The following PLXDC2 variants were observed in gnomAD, a reference collection of about 807,000 sequenced individuals.
The protein encoded by PLXDC2 is plexin domain containing 2.
A neutral mutation model predicts 68.9 loss-of-function variants in PLXDC2; 40 were observed. The observed-to-expected ratio is 0.58, with a 90% CI of 0.45 to 0.76. The LOEUF is 0.76. Among genes scored for constraint, PLXDC2 ranks in the 30% least tolerant of loss-of-function variants. The pLI, the probability that PLXDC2 is intolerant of heterozygous loss-of-function variation, is 0.00. For synonymous variants in PLXDC2, 243 were observed against 234.2 expected, an observed-to-expected ratio of 1.04 and a Z score of -0.34; for missense variants, 644 against 661.9, an observed-to-expected ratio of 0.97 and a Z score of 0.30.
intron 12 of PLXDC2, among the ~76,000 whole-genome samples, chr10:20,220,308 A>T (rs142798370): frequency 1.6e-3 from 245 of 152,282 alleles, no homozygotes; most frequent in African/African-American, 5.8e-3. Flanking sequence ...TTAGTAGCAT[A>T]TGGACATAAG....
At chr10:19,830,010 C>A (rs545049422) in intron 1 of PLXDC2, among the ~76,000 whole-genome samples, 1 of 152,126 alleles carries the variant, frequency 6.6e-6, no homozygotes. Flanking sequence ...TAATTTGTAA[C>A]CCACAACTTG....
At chr10:19,856,884 C>T (rs1254789889) in intron 1 of PLXDC2, among the ~76,000 whole-genome samples, 1 of 152,132 alleles carries the variant, frequency 6.6e-6, no homozygotes, top group African/African-American at 2.4e-5. Flanking sequence ...ATAAAGAAAT[C>T]AATCATTGCT....
intron 4 of PLXDC2, among the ~76,000 whole-genome samples, chr10:20,127,133 G>A (rs1349194739): frequency 6.6e-6 from 1 of 151,990 alleles, no homozygotes; most frequent in Non-Finnish European, 1.5e-5. Context: ...TGGGAATGTT[G>A]GTACAATGCA....
At chr10:20,250,425 A>G (rs566799598) in intron 13 of PLXDC2, among the ~76,000 whole-genome samples, 1 of 152,274 alleles carries the variant, frequency 6.6e-6, no homozygotes, top group Admixed American at 6.5e-5. Context: ...GTAACAGCCA[A>G]CATTTATCAA....
chr10:20,195,571 A>C (rs757855761), intron 9 of PLXDC2, among the ~76,000 whole-genome samples: 14 of 152,076 alleles, frequency 9.2e-5, no homozygotes, highest in African/African-American at 1.7e-4. Flanking sequence ...AAACAGAGTA[A>C]AGTTTATGCA....
At chr10:20,148,261 GTTAGT>G (rs1485899501) in intron 6 of PLXDC2, among the ~76,000 whole-genome samples, 6 of 96,438 alleles carry the variant, frequency 6.2e-5, no homozygotes, top group Admixed American at 5.7e-4. Flanking sequence ...ATTTTCTTTA[GTTAGT>G]TTTTTTTTTT....
intron 8 of PLXDC2, 41 bp downstream of exon 8, chr10:20,177,135 A>G (rs1453679682): frequency 1.4e-6 from 2 of 1,475,510 alleles, no homozygotes; most frequent in Non-Finnish European, 9.5e-7. Context: ...CATGATTTCT[A>G]AATTTGATGA....
At chr10:19,940,162 G>A (rs979553942) in intron 1 of PLXDC2, among the ~76,000 whole-genome samples, 20 of 150,018 alleles carry the variant, frequency 1.3e-4, no homozygotes, top group Admixed American at 1.3e-3. Context: ...GAGAAATAAC[G>A]TGATTTAATG....
At chr10:20,277,130 A>T (rs1434912086) in intron 13 of PLXDC2, among the ~76,000 whole-genome samples, 1 of 142,496 alleles carries the variant, frequency 7.0e-6, no homozygotes, top group Non-Finnish European at 1.5e-5. Flanking sequence ...AATCGCTTGA[A>T]CCCAGGAGGT....
chr10:19,844,742 C>T (rs74119755), intron 1 of PLXDC2, among the ~76,000 whole-genome samples: 5,262 of 151,962 alleles, frequency 0.035, 205 homozygotes, highest in East Asian at 0.23. Flanking sequence ...ACTACAGGCG[C>T]GCATCACTAC....
At chr10:20,212,536 T>C (rs960745072) in intron 10 of PLXDC2, among the ~76,000 whole-genome samples, 1 of 152,122 alleles carries the variant, frequency 6.6e-6, no homozygotes, top group Non-Finnish European at 1.5e-5. Flanking sequence ...TCTCCCTTCA[T>C]TAAGTTTTGG....
At chr10:20,055,505 A>C (rs1835982138) in intron 3 of PLXDC2, among the ~76,000 whole-genome samples, 1 of 152,134 alleles carries the variant, frequency 6.6e-6, no homozygotes, top group Non-Finnish European at 1.5e-5. Context: ...CTATTAGGCT[A>C]TTATCTAGAC....
intron 4 of PLXDC2, among the ~76,000 whole-genome samples, chr10:20,136,903 A>G (rs1421788673): frequency 6.6e-6 from 1 of 152,200 alleles, no homozygotes; most frequent in Non-Finnish European, 1.5e-5. Flanking sequence ...ATCCTTTATT[A>G]CTGTGACACT....
intron 2 of PLXDC2, among the ~76,000 whole-genome samples, chr10:20,041,145 C>T (rs901887541): frequency 5.9e-5 from 9 of 152,044 alleles, no homozygotes; most frequent in Non-Finnish European, 8.8e-5. Flanking sequence ...CTAATAGTTA[C>T]GGAATTTTTA....
chr10:19,961,861 T>C (rs1327615047), intron 1 of PLXDC2, among the ~76,000 whole-genome samples: 1 of 152,190 alleles, frequency 6.6e-6, no homozygotes, highest in Non-Finnish European at 1.5e-5. Flanking sequence ...CTCAAAATGA[T>C]GACACATTTT....
chr10:20,059,968 G>A (rs979968567), intron 3 of PLXDC2, among the ~76,000 whole-genome samples: 2 of 151,960 alleles, frequency 1.3e-5, no homozygotes, highest in Non-Finnish European at 2.9e-5. Flanking sequence ...TTTGATATTT[G>A]CTTGTTGTGA....
chr10:19,996,223 T>C (rs998878856), intron 1 of PLXDC2, among the ~76,000 whole-genome samples: 1 of 152,128 alleles, frequency 6.6e-6, no homozygotes, highest in African/African-American at 2.4e-5. Flanking sequence ...GGAGGATTGC[T>C]TGGGGCCAGG....
At chr10:20,125,590 A>G (rs955680457) in intron 4 of PLXDC2, among the ~76,000 whole-genome samples, 2 of 152,194 alleles carry the variant, frequency 1.3e-5, no homozygotes, top group South Asian at 4.1e-4. Flanking sequence ...GAGCCTGACC[A>G]TAGGACTGCA....
intron 3 of PLXDC2, among the ~76,000 whole-genome samples, chr10:20,067,502 A>T (rs1836232717): frequency 6.6e-6 from 1 of 152,136 alleles, no homozygotes; most frequent in Non-Finnish European, 1.5e-5. Context: ...CCCGGCCAAC[A>T]TGGCGAAACC....
Sources: allele counts gnomAD v4.1 joint callset (sites outside exome capture counted in the v4.1 genomes callset), GRCh38; gene constraint gnomAD v4.1.1; transcripts MANE v1.5; gene names NCBI Gene and HGNC (gene_info 2026-07-23, HGNC 2026-07-21).